STRA6: variants seen among roughly 807,000 people sequenced by gnomAD.
STRA6 encodes the protein receptor for retinol uptake STRA6.
STRA6 carries 48 observed loss-of-function variants against 83.6 expected under a neutral mutation model. The ratio of observed to expected loss-of-function variants is 0.57; its 90% CI spans 0.46 to 0.73. The LOEUF is 0.73. Among genes scored for constraint, STRA6 ranks in the 30% least tolerant of loss-of-function variants. The pLI, the probability that STRA6 is intolerant of heterozygous loss-of-function variation, is 0.00. For missense variants in STRA6, 760 were observed against 838.8 expected (o/e 0.91, Z 1.16); for synonymous variants, 353 against 362.3 (o/e 0.97, Z 0.29).
Position 74,179,638 on chromosome 15 carries a change from A to C in STRA6, c.*442T>G. The C allele has an allele frequency of 6.1e-6, 1 of 164,486 alleles. No individual in the cohort carries two copies. The allele number at this position is 164,486 out of a possible 1,614,324, so 10.2% of individuals were successfully genotyped here. A position where few individuals can be genotyped will look rare whatever the true frequency, so the allele number is the denominator to read the frequency against. On this transcript the variant is annotated 3_prime_UTR_variant, in exon 19 of 19. Transcript: ENST00000395105. ...CCAGAGGCCCGGGAGCTTTCCGGCC[A>C]CTCCCCAGAGAGGTCCGTGGCGCTG... is the stretch of plus-strand genomic sequence containing the variant.
chr15:74,210,228 T>C (rs941295238), upstream of STRA6, among the ~76,000 whole-genome samples: 1 of 152,226 alleles, frequency 6.6e-6, no homozygotes, highest in Admixed American at 6.5e-5. Context: ...CCTGCATGCA[T>C]ATATATGGAG....
At position 74,180,829 on chromosome 15, in the gene STRA6, G is replaced by A; in HGVS notation, c.1793C>T (p.Thr598Ile). Residue 598 changes from threonine (T) to isoleucine (I), a missense_variant, in exon 18 of 19, where the codon ACC becomes ATC. Coordinates refer to ENST00000395105, the MANE Select transcript of STRA6 (RefSeq NM_022369.4). ...LLQAQSLLPR[T>I]MAAPQDSLRP... ...GAGGCTGTCCTGGGGGGCTGCCATG[G>A]TCCTGGGTAGGAGGCTCTGCGCTTG... The A allele has an allele frequency of 6.2e-7, 1 of 1,613,984 alleles. No individual in the cohort carries two copies. Among genetic ancestry groups the A allele is most frequent in the Non-Finnish European group, 8.5e-7 (1 of 1,179,924 alleles).
upstream of STRA6, chr15:74,209,433 C>T (rs558111203): frequency 3.9e-6 from 6 of 1,535,622 alleles, no homozygotes; most frequent in East Asian, 1.2e-4. Context: ...ACCAGCTCGG[C>T]TCTTAATAAC....
At chr15:74,190,750 G>A in intron 11 of STRA6, 90 bp downstream of exon 11, 1 of 1,594,748 alleles carries the variant, frequency 6.3e-7, no homozygotes, top group Non-Finnish European at 8.6e-7. Context: ...TGGAGCACCT[G>A]GAGAGCTGGG....
chr15:74,197,909 C>T (rs2073896282), intron 2 of STRA6, 91 bp from the exon 3 acceptor site: 1 of 1,328,732 alleles, frequency 7.5e-7, no homozygotes, highest in Non-Finnish European at 1.1e-6. Context: ...CACACTGAGG[C>T]TTTACCCACT....
At chr15:74,183,758 G>A in intron 14 of STRA6, 98 bp downstream of exon 14, 3 of 1,605,470 alleles carry the variant, frequency 1.9e-6, no homozygotes, top group South Asian at 1.1e-5. Context: ...GACAAACTCT[G>A]AGGGCAGTAC....
At chr15:74,183,422 T>G (rs2073088468) in intron 14 of STRA6, 1 of 815,902 alleles carries the variant, frequency 1.2e-6, no homozygotes, top group African/African-American at 1.8e-5. Context: ...ATTTTTGTAT[T>G]TTTAGTAGAG....
rs1460721592 is a variant in STRA6 at position 74,185,067 on chromosome 15, A to G, written c.1091-12T>C. ...TGAGATGTAGCACACTGGTGGGCAG[A>G]GAATGAGCAAAGTGAGAGGTCAGGG... On this transcript the variant is annotated splice_polypyrimidine_tract_variant and intron_variant, in intron 12 of 18. Transcript: ENST00000395105. 1.9e-5 allele frequency: 31 copies of G among 1,613,472 alleles called. No individual in the cohort carries two copies. Among genetic ancestry groups the G allele is most frequent in the Non-Finnish European group, 2.6e-5 (31 of 1,179,726 alleles).
chr15:74,180,390 G>C (rs562739097), intron 18 of STRA6, 147 bp from the exon 19 acceptor site: 9 of 1,011,180 alleles, frequency 8.9e-6, no homozygotes, highest in African/African-American at 3.2e-5. Flanking sequence ...ACATGGAAGT[G>C]GGGGGTGAGG....
At chr15:74,191,386 A>G in intron 9 of STRA6, 38 bp downstream of exon 9, 2 of 1,611,264 alleles carry the variant, frequency 1.2e-6, no homozygotes, top group African/African-American at 2.7e-5. Context: ...TAACCAGCCC[A>G]ATCCATTGGC....
chr15:74,190,693 G>T, intron 11 of STRA6, 147 bp downstream of exon 11: 1 of 1,180,868 alleles, frequency 8.5e-7, no homozygotes, highest in Non-Finnish European at 1.3e-6. Flanking sequence ...CTTCTGGGTA[G>T]GCCAGAACTC....
chr15:74,180,031 A>G lies in STRA6; in HGVS notation c.*49T>C, dbSNP rs1471898030. The G allele has an allele frequency of 6.3e-7, 1 of 1,592,556 alleles. No homozygotes were observed. Among genetic ancestry groups the G allele is most frequent in the Non-Finnish European group, 8.6e-7 (1 of 1,163,202 alleles). On this transcript the variant is annotated 3_prime_UTR_variant, in exon 19 of 19. Coordinates refer to ENST00000395105, the MANE Select transcript of STRA6 (RefSeq NM_022369.4). ...CCGGGGAGGGAGGAGGATGGTAGGCAGGAACATGCCTCAGCACAGATGGGC... is the reference window on the plus strand; with the variant it reads ...CCGGGGAGGGAGGAGGATGGTAGGCGGGAACATGCCTCAGCACAGATGGGC...
At chr15:74,194,340 G>A (rs977480588) in intron 7 of STRA6, 1 of 1,087,248 alleles carries the variant, frequency 9.2e-7, no homozygotes, top group African/African-American at 1.6e-5. Flanking sequence ...TACTCCTCAG[G>A]GCTGAGGCCT....
chr15:74,179,812 C>T lies in STRA6; in HGVS notation c.*268G>A, dbSNP rs2072885869. 2 of 461,348 alleles carry T rather than the reference C, an allele frequency of 4.3e-6. No individual in the cohort carries two copies. Among genetic ancestry groups the T allele is most frequent in the Admixed American group, 7.0e-5 (2 of 28,564 alleles). 28.6% of individuals were successfully genotyped at this position (461,348 alleles called of 1,614,324 possible). Reference sequence around the variant, plus strand: ...GTAGGGAGACGCCTGGATGTGGCTGCCCTGGCTCAACTGGCTCCTGGACCA... The same window carrying T: ...GTAGGGAGACGCCTGGATGTGGCTGTCCTGGCTCAACTGGCTCCTGGACCA... On this transcript the variant is annotated 3_prime_UTR_variant, in exon 19 of 19. Coordinates refer to ENST00000395105, the MANE Select transcript of STRA6 (RefSeq NM_022369.4).
At chr15:74,198,558 C>T (rs1352056984) in intron 2 of STRA6, among the ~76,000 whole-genome samples, 1 of 152,194 alleles carries the variant, frequency 6.6e-6, no homozygotes, top group Admixed American at 6.5e-5. Flanking sequence ...AAGGGTTTGG[C>T]CCTGTGATTC....
chr15:74,208,075 T>A, intron 1 of STRA6: 2 of 1,236,780 alleles, frequency 1.6e-6, no homozygotes, highest in Non-Finnish European at 2.0e-6. Flanking sequence ...GACCAGGCTG[T>A]TCTGGTATGA....
Position 74,195,673 on chromosome 15 carries a change from C to T in STRA6, c.409G>A (p.Gly137Arg), listed in dbSNP as rs1159064258. Reference protein sequence around the residue: ...LTLASAPSQDGKTEAPRGAWK... With the variant: ...LTLASAPSQDRKTEAPRGAWK... ...TTACCTCTTGGAGCCTCAGTTTTCC[C>T]ATCTGTAAAATGAAAATAATCACAG... Residue 137 changes from glycine (G) to arginine (R), a missense_variant and splice_region_variant, in exon 6 of 19, where the codon GGG (glycine) becomes AGG (arginine). Transcript: ENST00000395105. 1.4e-6 allele frequency: 2 copies of T among 1,400,728 alleles called. No homozygotes were observed. The highest frequency in any genetic ancestry group is 2.0e-6 in the Non-Finnish European group (2 of 1,009,474). The allele number at this position is 1,400,728 out of a possible 1,614,324, so 86.8% of individuals were successfully genotyped here. A position where few individuals can be genotyped will look rare whatever the true frequency, so the allele number is the denominator to read the frequency against.
chr15:74,196,652 C>A (rs1467982246), intron 4 of STRA6, among the ~76,000 whole-genome samples: 1 of 152,214 alleles, frequency 6.6e-6, no homozygotes, highest in Non-Finnish European at 1.5e-5. Context: ...GGTTCATTCT[C>A]CCTCAAACAC....
intron 7 of STRA6, chr15:74,194,250 G>T (rs963840491): frequency 3.5e-6 from 3 of 848,020 alleles, no homozygotes; most frequent in Non-Finnish European, 4.8e-6. Context: ...GGAGCATTAG[G>T]AACAGTTCTG....
Sources: gnomAD v4.1 joint callset for allele counts (sites outside exome capture counted in the v4.1 genomes callset) on GRCh38, gnomAD v4.1.1 for gene constraint, MANE v1.5 for transcripts, NCBI Gene and HGNC (gene_info 2026-07-23, HGNC 2026-07-21) for gene names.